The following SLC6A11 variants were observed in gnomAD, a reference collection of about 807,000 sequenced individuals.
The protein encoded by SLC6A11 is sodium- and chloride-dependent GABA transporter 3.
In SLC6A11, 25 loss-of-function variants were observed where a neutral mutation model predicts 74.8. That is an observed-to-expected ratio of 0.33 (90% confidence interval 0.24 to 0.47). The LOEUF (loss-of-function observed/expected upper bound fraction) is 0.47, where lower values mean the gene tolerates loss of function less well. Ranked by LOEUF, SLC6A11 falls within the 20% of genes least tolerant of loss-of-function variation. The pLI is 1.00. For synonymous variants in SLC6A11, 330 were observed against 330.2 expected (o/e 1.00, Z 0.01); for missense variants, 574 against 837.0 (o/e 0.69, Z 3.88).
chr3:10,912,855 G>A (rs1385871937), intron 7 of SLC6A11, among the ~76,000 whole-genome samples: 1 of 152,154 alleles, frequency 6.6e-6, no homozygotes, highest in South Asian at 2.1e-4. Context: ...TGGTCAGTCT[G>A]TTGAGGTTTC....
intron 10 of SLC6A11, among the ~76,000 whole-genome samples, chr3:10,931,337 T>G (rs1695682609): frequency 6.6e-6 from 1 of 152,228 alleles, no homozygotes; most frequent in Non-Finnish European, 1.5e-5. Flanking sequence ...GAATGCTGCA[T>G]TAAGGTTTCT....
intron 5 of SLC6A11, among the ~76,000 whole-genome samples, chr3:10,851,199 T>TC (rs2106589668): frequency 6.6e-6 from 1 of 152,022 alleles, no homozygotes; most frequent in Non-Finnish European, 1.5e-5. Flanking sequence ...TATGGATTTT[T>TC]CCCCCTCATT....
chr3:10,891,587 C>A (rs1695108147), intron 6 of SLC6A11, among the ~76,000 whole-genome samples: 1 of 152,182 alleles, frequency 6.6e-6, no homozygotes, highest in Non-Finnish European at 1.5e-5. Context: ...CCATAAAGCT[C>A]ATTTATTTGC....
Position 10,816,287 on chromosome 3 carries a change from C to A in SLC6A11, c.22C>A (p.Pro8Thr). 7.2e-7 allele frequency: 1 copy of A among 1,384,588 alleles called. No homozygotes were observed. 85.8% of individuals were successfully genotyped at this position (1,384,588 alleles called of 1,614,324 possible). Residue 8 changes from proline to threonine, a missense_variant, in exon 1 of 14, where the codon CCC becomes ACC. Physicochemically the swap from Pro to Thr is conservative, Grantham distance 38. Around this residue, in one of 4 missense-constraint regions of SLC6A11, gnomAD observed 86 missense variants for 87.4 expected, o/e 0.98. Transcript: ENST00000254488. This position sits in a 1 kb window ranked among gnomAD's most constrained non-coding sequence, Gnocchi z 4.2. Reference protein sequence around the residue: MTAEKALPLGNGKAAEEA... With the variant: MTAEKALTLGNGKAAEEA... ...GGCCATGACGGCGGAGAAGGCGCTG[C>A]CCCTGGGCAATGGGAAGGCTGCTGA...
chr3:10,904,895 A>G (rs1192142729), intron 6 of SLC6A11, among the ~76,000 whole-genome samples: 1 of 152,220 alleles, frequency 6.6e-6, no homozygotes, highest in South Asian at 2.1e-4. Flanking sequence ...GGAGACAATA[A>G]TACTTACCTA....
chr3:10,862,117 A>G (rs1372434587), intron 5 of SLC6A11, among the ~76,000 whole-genome samples: 4 of 152,278 alleles, frequency 2.6e-5, no homozygotes, highest in South Asian at 4.2e-4. Flanking sequence ...GTGTCCCCCC[A>G]CTGGCACATC....
chr3:10,825,428 C>A (rs925344322), intron 4 of SLC6A11: 4 of 152,196 alleles, frequency 2.6e-5, no homozygotes, highest in Admixed American at 2.6e-4. Context: ...GGTTTACATT[C>A]GTTTCTATTT....
intron 6 of SLC6A11, among the ~76,000 whole-genome samples, chr3:10,876,566 TACC>T (rs1694908919): frequency 6.6e-6 from 1 of 152,128 alleles, no homozygotes; most frequent in Admixed American, 6.5e-5. Context: ...ATCATCCGAA[TACC>T]TTGGAGCTGG....
At chr3:10,839,602 G>T (rs115712398) in intron 4 of SLC6A11, among the ~76,000 whole-genome samples, 2 of 152,160 alleles carry the variant, frequency 1.3e-5, no homozygotes, top group Non-Finnish European at 2.9e-5. Flanking sequence ...GGGCTTGGTC[G>T]CAGGCCCCAT....
intron 5 of SLC6A11, among the ~76,000 whole-genome samples, chr3:10,848,731 C>CT (rs1340305200): frequency 6.6e-6 from 1 of 152,290 alleles, no homozygotes; most frequent in East Asian, 1.9e-4. Context: ...CAGTTTAACT[C>CT]TGAGTATTAG....
chr3:10,902,666 C>G (rs1695254823), intron 6 of SLC6A11, among the ~76,000 whole-genome samples: 2 of 152,146 alleles, frequency 1.3e-5, no homozygotes, highest in African/African-American at 4.8e-5. Flanking sequence ...GTCTGCTGAC[C>G]CCAAAGTTTT....
At chr3:10,856,957 C>T (rs2106592408) in intron 5 of SLC6A11, among the ~76,000 whole-genome samples, 1 of 152,322 alleles carries the variant, frequency 6.6e-6, no homozygotes, top group African/African-American at 2.4e-5. Flanking sequence ...TGTGGAAATA[C>T]TCCCCCATGC....
At position 10,816,484 on chromosome 3, in the gene SLC6A11, G is replaced by A; in HGVS notation, c.219G>A (p.Val73=). 1 of 1,605,362 alleles carries A rather than the reference G, an allele frequency of 6.2e-7. No homozygotes were observed. Among genetic ancestry groups the A allele is most frequent in the Non-Finnish European group, 8.5e-7 (1 of 1,176,272 alleles). ...VAGEIIGLGN[V]WRFPYLCYKN... ...GGGAGATCATTGGGCTGGGCAACGT[G>A]TGGCGCTTCCCCTACCTGTGCTACA... Residue 73 remains valine (V), a synonymous_variant, in exon 1 of 14, where the codon GTG becomes GTA. Transcript: ENST00000254488. This position sits in a 1 kb window ranked among gnomAD's most constrained non-coding sequence, Gnocchi z 4.2.
At chr3:10,887,482 G>T (rs1695058581) in intron 6 of SLC6A11, among the ~76,000 whole-genome samples, 1 of 152,116 alleles carries the variant, frequency 6.6e-6, no homozygotes, top group African/African-American at 2.4e-5. Context: ...GTCTCACTCT[G>T]TCACCCAGGC....
Position 10,816,260 on chromosome 3 carries a change from G to C in SLC6A11, c.-6G>C. On this transcript the variant is annotated 5_prime_UTR_variant, in exon 1 of 14. Transcript: ENST00000254488. This position sits in a 1 kb window ranked among gnomAD's most constrained non-coding sequence, Gnocchi z 4.2. ...CGGGCCGGCGCACGAGGCAGCCAGC[G>C]CGGCCATGACGGCGGAGAAGGCGCT... The C allele has an allele frequency of 4.5e-6, 6 of 1,324,264 alleles. No homozygotes were observed. The highest frequency in any genetic ancestry group is 5.8e-6 in the Non-Finnish European group (6 of 1,039,204). The allele number at this position is 1,324,264 out of a possible 1,614,324, so 82.0% of individuals were successfully genotyped here.
At chr3:10,928,264 A>C (rs564857550) in intron 9 of SLC6A11, among the ~76,000 whole-genome samples, 8 of 152,140 alleles carry the variant, frequency 5.3e-5, no homozygotes, top group African/African-American at 1.7e-4. Context: ...CAGGAAATAG[A>C]CAGATGACAA....
rs774563224 is a variant in SLC6A11 at position 10,939,926 on chromosome 3, C to T, written c.*1524C>T. The T allele has an allele frequency of 6.6e-6, 1 of 152,194 alleles. No individual in the cohort carries two copies. Among genetic ancestry groups the T allele is most frequent in the Non-Finnish European group, 1.5e-5 (1 of 68,038 alleles). 9.4% of individuals were successfully genotyped at this position (152,194 alleles called of 1,614,324 possible). A position where few individuals can be genotyped will look rare whatever the true frequency, so the allele number is the denominator to read the frequency against. ...GCTATATGAGGGTGGGGAAGGCACA[C>T]TCTTTTTTCCTTTTTCCTTAGGTTC... is the stretch of plus-strand genomic sequence containing the variant. On this transcript the variant is annotated 3_prime_UTR_variant, in exon 14 of 14. Coordinates refer to ENST00000254488, the MANE Select transcript of SLC6A11 (RefSeq NM_014229.3).
At chr3:10,877,687 A>G (rs1387635562) in intron 6 of SLC6A11, among the ~76,000 whole-genome samples, 1 of 152,174 alleles carries the variant, frequency 6.6e-6, no homozygotes, top group Admixed American at 6.5e-5. Context: ...CAGGCATACA[A>G]AACAACCGTG....
intron 8 of SLC6A11, among the ~76,000 whole-genome samples, chr3:10,920,719 A>G (rs552307487): frequency 6.6e-6 from 1 of 152,224 alleles, no homozygotes; most frequent in Non-Finnish European, 1.5e-5. Flanking sequence ...TACAGTGCCT[A>G]TCACAGACGA....
Sources: allele counts gnomAD v4.1 joint callset (sites outside exome capture counted in the v4.1 genomes callset), GRCh38; gene constraint gnomAD v4.1.1; regional missense constraint gnomAD v4.1.1; non-coding constraint Gnocchi (gnomAD v3.1); transcripts MANE v1.5; gene names NCBI Gene and HGNC (gene_info 2026-07-23, HGNC 2026-07-21).